Variants in HSD17B12 observed in about 807,000 individuals in gnomAD.
HSD17B12 encodes very-long-chain 3-oxoacyl-CoA reductase.
Under a neutral mutation model 39.3 loss-of-function variants are expected in HSD17B12, and 32 were observed. The ratio of observed to expected loss-of-function variants is 0.81; its 90% CI spans 0.61 to 1.09. The LOEUF (loss-of-function observed/expected upper bound fraction) is 1.09, where lower values mean the gene tolerates loss of function less well. HSD17B12 is among the 50% of genes least tolerant of loss of function. The probability of loss-of-function intolerance (pLI) is 0.00; values close to 1 mark genes in which losing one functional copy is unlikely to be tolerated. For synonymous variants in HSD17B12, 150 were observed against 146.7 expected (o/e 1.02, Z -0.16); for missense variants, 342 against 382.9 (o/e 0.89, Z 0.89).
At chr11:43,652,783 C>A in the HSD17B12 span, among the ~76,000 whole-genome samples, 2 of 152,130 alleles carry the variant, frequency 1.3e-5, no homozygotes, top group African/African-American at 4.8e-5. Context: ...GTTCAGATAT[C>A]TGGAAGCTCC....
chr11:43,770,873 T>C (rs1482618629), intron 3 of HSD17B12, among the ~76,000 whole-genome samples: 1 of 152,242 alleles, frequency 6.6e-6, no homozygotes, highest in East Asian at 1.9e-4. Flanking sequence ...ATTTTAGTAA[T>C]AGGATTTGCC....
At chr11:43,613,657 A>G in the HSD17B12 span, among the ~76,000 whole-genome samples, 1 of 150,800 alleles carries the variant, frequency 6.6e-6, no homozygotes, top group Non-Finnish European at 1.5e-5. Flanking sequence ...TTTACTCATC[A>G]TAGCCTTCCA....
chr11:43,715,991 G>T (rs912447656), intron 1 of HSD17B12, among the ~76,000 whole-genome samples: 12 of 152,058 alleles, frequency 7.9e-5, no homozygotes, highest in African/African-American at 2.9e-4. Context: ...TCCTGCCTGA[G>T]GTACTATAAC....
chr11:43,779,831 G>A (rs576352336), intron 3 of HSD17B12, among the ~76,000 whole-genome samples: 1 of 152,216 alleles, frequency 6.6e-6, no homozygotes, highest in South Asian at 2.1e-4. Context: ...CTTTCACATT[G>A]GGTAGGATGT....
chr11:43,695,840 A>G (rs747766923), intron 1 of HSD17B12, among the ~76,000 whole-genome samples: 90 of 152,230 alleles, frequency 5.9e-4, no homozygotes, highest in Non-Finnish European at 1.0e-3. Context: ...ATAAATAAAT[A>G]CATATATTTC....
chr11:43,848,555 C>G (rs1565112143), intron 9 of HSD17B12: 2 of 152,142 alleles, frequency 1.3e-5, no homozygotes, highest in African/African-American at 4.8e-5. Context: ...AAAATAATTG[C>G]TAATACATAC....
At chr11:43,568,585 G>A in the HSD17B12 span, among the ~76,000 whole-genome samples, 7 of 152,164 alleles carry the variant, frequency 4.6e-5, no homozygotes, top group Non-Finnish European at 1.0e-4. Flanking sequence ...ACATGTTCAC[G>A]CCTACTTTTA....
the HSD17B12 span, among the ~76,000 whole-genome samples, chr11:43,573,432 A>C: frequency 6.6e-6 from 1 of 152,152 alleles, no homozygotes. Context: ...CAAGACAGAA[A>C]CAAGGCAGAG....
At chr11:43,723,124 A>G (rs1486797336) in intron 1 of HSD17B12, among the ~76,000 whole-genome samples, 1 of 152,218 alleles carries the variant, frequency 6.6e-6, no homozygotes, top group African/African-American at 2.4e-5. Flanking sequence ...AAAAGGTGGC[A>G]TGTTAGTAAT....
At chr11:43,566,513 C>T in the HSD17B12 span, among the ~76,000 whole-genome samples, 4 of 151,840 alleles carry the variant, frequency 2.6e-5, no homozygotes, top group Non-Finnish European at 5.9e-5. Context: ...TACTATTGCA[C>T]TGATTAACTG....
intron 3 of HSD17B12, among the ~76,000 whole-genome samples, chr11:43,778,252 C>T (rs984779684): frequency 6.6e-6 from 1 of 152,154 alleles, no homozygotes; most frequent in Non-Finnish European, 1.5e-5. Flanking sequence ...GGATAAATTC[C>T]TCGACACATA....
At chr11:43,591,107 G>A in the HSD17B12 span, among the ~76,000 whole-genome samples, 817 of 152,112 alleles carry the variant, frequency 5.4e-3, 7 homozygotes, top group African/African-American at 0.019. Flanking sequence ...TTTCCCCCCA[G>A]TGAATTCTCT....
chr11:43,621,022 T>C, the HSD17B12 span, among the ~76,000 whole-genome samples: 1 of 152,234 alleles, frequency 6.6e-6, no homozygotes, highest in Non-Finnish European at 1.5e-5. Context: ...ATTTTACTTT[T>C]ACTGTTAGCA....
the HSD17B12 span, among the ~76,000 whole-genome samples, chr11:43,584,193 A>G: frequency 3.3e-5 from 5 of 152,042 alleles, no homozygotes; most frequent in East Asian, 3.9e-4. Context: ...TGTCTCTTCT[A>G]TCCTCTTTCC....
upstream of HSD17B12, among the ~76,000 whole-genome samples, chr11:43,678,611 A>G (rs991809500): frequency 1.3e-5 from 2 of 152,150 alleles, no homozygotes; most frequent in East Asian, 1.9e-4. Flanking sequence ...TAATTTTTGT[A>G]TAAGGTGTAA....
intron 1 of HSD17B12, among the ~76,000 whole-genome samples, chr11:43,741,986 G>C (rs1021821445): frequency 4.0e-5 from 6 of 149,664 alleles, no homozygotes; most frequent in Non-Finnish European, 1.5e-5. Flanking sequence ...TGCCTGCCTC[G>C]GCCTCCCAAA....
chr11:43,644,262 G>A, the HSD17B12 span: 1 of 152,302 alleles, frequency 6.6e-6, no homozygotes, highest in Non-Finnish European at 1.5e-5. Flanking sequence ...GGCCGCCGCC[G>A]AGGCAGGGAG....
chr11:43,593,058 G>C, the HSD17B12 span, among the ~76,000 whole-genome samples: 1 of 152,178 alleles, frequency 6.6e-6, no homozygotes, highest in African/African-American at 2.4e-5. Flanking sequence ...TGCCGAAATT[G>C]TATGCTCAAT....
At chr11:43,823,258 T>G (rs1174938582) in intron 6 of HSD17B12, among the ~76,000 whole-genome samples, 6 of 151,954 alleles carry the variant, frequency 3.9e-5, no homozygotes, top group African/African-American at 7.3e-5. Flanking sequence ...GACTCTTTCT[T>G]TCTTTCTTTT....
Sources: allele counts gnomAD v4.1 joint callset (sites outside exome capture counted in the v4.1 genomes callset), GRCh38; gene constraint gnomAD v4.1.1; transcripts MANE v1.5; gene names NCBI Gene and HGNC (gene_info 2026-07-23, HGNC 2026-07-21).